The following KLRG1 variants were observed in gnomAD, a reference collection of about 807,000 sequenced individuals.
KLRG1 encodes the protein killer cell lectin-like receptor subfamily G member 1.
A neutral mutation model predicts 21.8 loss-of-function variants in KLRG1; 16 were observed. The ratio of observed to expected loss-of-function variants is 0.73; its 90% CI spans 0.50 to 1.11. The LOEUF (loss-of-function observed/expected upper bound fraction) is 1.11. KLRG1 is among the 50% of genes most tolerant of loss of function. The probability of loss-of-function intolerance (pLI) is 0.00; values close to 1 mark genes in which losing one functional copy is unlikely to be tolerated. For synonymous variants in KLRG1, 69 were observed against 75.9 expected (o/e 0.91, Z 0.47); for missense variants, 173 against 218.3 (o/e 0.79, Z 1.31).
chr12:9,025,323 G>A, the KLRG1 span, among the ~76,000 whole-genome samples: 1,120 of 152,228 alleles, frequency 7.4e-3, 23 homozygotes, highest in African/African-American at 0.025. Context: ...AAATTATGTT[G>A]AAAGGGAGAG....
At chr12:9,159,869 C>G in the KLRG1 span, 1 of 1,352,542 alleles carries the variant, frequency 7.4e-7, no homozygotes, top group Non-Finnish European at 1.1e-6. Context: ...AGAAAATGGA[C>G]TAAGACAGGT....
the KLRG1 span, chr12:9,169,760 G>A: frequency 5.5e-6 from 3 of 550,226 alleles, no homozygotes; most frequent in African/African-American, 3.9e-5. Context: ...GTGTTGTTTT[G>A]TTATAAAGAA....
At chr12:9,152,077 TA>T in the KLRG1 span, 1 of 681,662 alleles carries the variant, frequency 1.5e-6, no homozygotes, top group Non-Finnish European at 2.6e-6. Context: ...GCCAACTAAA[TA>T]GTTCATTTAC....
At chr12:9,157,479 T>G in the KLRG1 span, 1 of 899,138 alleles carries the variant, frequency 1.1e-6, no homozygotes, top group Non-Finnish European at 1.7e-6. Context: ...CAGCTAGATA[T>G]TCATCATATT....
At chr12:9,056,863 C>T in the KLRG1 span, among the ~76,000 whole-genome samples, 1 of 152,196 alleles carries the variant, frequency 6.6e-6, no homozygotes, top group Admixed American at 6.5e-5. Flanking sequence ...TCTTCATTTG[C>T]TGTTTAAAGA....
the KLRG1 span, among the ~76,000 whole-genome samples, chr12:9,207,958 T>C: frequency 6.6e-6 from 1 of 152,232 alleles, no homozygotes; most frequent in African/African-American, 2.4e-5. Context: ...TTCGAATATC[T>C]CTATATTCAG....
At chr12:8,997,570 G>A (rs1162506278) in intron 3 of KLRG1, among the ~76,000 whole-genome samples, 1 of 152,148 alleles carries the variant, frequency 6.6e-6, no homozygotes, top group African/African-American at 2.4e-5. Flanking sequence ...CATTCCATTG[G>A]TGGAGAGTGC....
chr12:9,000,458 A>G lies in KLRG1; in HGVS notation c.357+5170A>G, dbSNP rs114860413. ...TATTTTAACCATTTTCAAGTGTACA[A>G]TTGAGTGGCATTAAGTACATTCACA... On this transcript the variant is annotated intron_variant, in intron 3 of 4. Transcript: ENST00000356986. 9.7e-3 allele frequency among the ~76,000 whole-genome samples: 1,473 copies of G among 152,294 alleles called. 23 individuals are homozygous for G. Among genetic ancestry groups the G allele is most frequent in the African/African-American group, 0.033 (1,382 of 41,542 alleles).
At chr12:9,028,024 G>C in the KLRG1 span, 1 of 1,223,964 alleles carries the variant, frequency 8.2e-7, no homozygotes, top group Admixed American at 1.7e-5. Flanking sequence ...ACGGAGTCAT[G>C]GTTGTCAAAG....
the KLRG1 span, chr12:9,169,122 T>G: frequency 1.6e-6 from 1 of 613,402 alleles, no homozygotes; most frequent in East Asian, 2.9e-5. Flanking sequence ...GTAGTGAAAT[T>G]ACTAAACTTA....
chr12:9,181,002 G>C, the KLRG1 span: 2 of 1,613,876 alleles, frequency 1.2e-6, no homozygotes, highest in South Asian at 2.2e-5. Context: ...AGAGAGCTCA[G>C]CCTCAGGCTT....
intron 1 of KLRG1, among the ~76,000 whole-genome samples, chr12:8,970,861 G>A (rs116506251): frequency 0.01 from 1,540 of 152,158 alleles, 24 homozygotes; most frequent in African/African-American, 0.035. Context: ...TTCAGTTCAC[G>A]TGATCTATAT....
At chr12:8,963,981 A>T (rs1946422321) in intron 1 of KLRG1, among the ~76,000 whole-genome samples, 1 of 152,186 alleles carries the variant, frequency 6.6e-6, no homozygotes, top group Admixed American at 6.6e-5. Flanking sequence ...CTCTTCAAAA[A>T]ACCAGCTCCT....
At chr12:8,981,938 G>A (rs183271474) in intron 1 of KLRG1, among the ~76,000 whole-genome samples, 3 of 152,154 alleles carry the variant, frequency 2.0e-5, no homozygotes, top group Admixed American at 2.0e-4. Flanking sequence ...ATTTATAGTT[G>A]TTATATATGC....
chr12:9,101,344 G>C, the KLRG1 span: 1 of 1,337,778 alleles, frequency 7.5e-7, no homozygotes, highest in Non-Finnish European at 1.0e-6. Context: ...AAAGGAACAT[G>C]GATAAGAAGT....
At chr12:9,006,255 A>G (rs1003404240) in intron 3 of KLRG1, among the ~76,000 whole-genome samples, 7 of 152,254 alleles carry the variant, frequency 4.6e-5, no homozygotes, top group African/African-American at 1.4e-4. Flanking sequence ...AAAATGAAAC[A>G]GTATGATATA....
chr12:9,115,575 C>T, the KLRG1 span: 3 of 544,606 alleles, frequency 5.5e-6, 1 homozygote, highest in South Asian at 4.3e-5. Flanking sequence ...ATTAGAGCTT[C>T]AGAGAGTTGG....
chr12:9,186,555 G>A, the KLRG1 span, among the ~76,000 whole-genome samples: 1 of 152,050 alleles, frequency 6.6e-6, no homozygotes, highest in African/African-American at 2.4e-5. Context: ...AAGGAAAGGA[G>A]AAAAATCTGT....
At chr12:8,991,187 TACAC>T (rs1946954530) in intron 1 of KLRG1, among the ~76,000 whole-genome samples, 1 of 152,196 alleles carries the variant, frequency 6.6e-6, no homozygotes, top group Non-Finnish European at 1.5e-5. Flanking sequence ...TTTTGCTCGT[TACAC>T]GTAATTTCTA....
Sources: gnomAD v4.1 joint callset for allele counts (sites outside exome capture counted in the v4.1 genomes callset) on GRCh38, gnomAD v4.1.1 for gene constraint, MANE v1.5 for transcripts, NCBI Gene and HGNC (gene_info 2026-07-23, HGNC 2026-07-21) for gene names.